CDC123: variants seen among roughly 807,000 people sequenced by gnomAD.
The protein encoded by CDC123 is translation initiation factor eIF2 assembly protein.
A neutral mutation model predicts 54.4 loss-of-function variants in CDC123; 37 were observed. The observed-to-expected ratio is 0.68, with a 90% CI of 0.52 to 0.89. The LOEUF (loss-of-function observed/expected upper bound fraction) is 0.89. CDC123 is among the 40% of genes least tolerant of loss of function. The pLI, the probability that CDC123 is intolerant of heterozygous loss-of-function variation, is 0.00. For synonymous variants in CDC123, 144 were observed against 136.8 expected (o/e 1.05, Z -0.37); for missense variants, 361 against 412.1 (o/e 0.88, Z 1.07).
At chr10:12,241,614 C>A (rs191935114) in intron 10 of CDC123, among the ~76,000 whole-genome samples, 1 of 152,074 alleles carries the variant, frequency 6.6e-6, no homozygotes, top group Admixed American at 6.6e-5. Context: ...GACTCTCATC[C>A]GGGTTGGTTG....
intron 6 of CDC123, among the ~76,000 whole-genome samples, chr10:12,230,662 C>T (rs571726558): frequency 6.6e-6 from 1 of 152,288 alleles, no homozygotes; most frequent in East Asian, 1.9e-4. Context: ...ACTGTAGTCA[C>T]CCTGTTGTGC....
At position 12,246,261 on chromosome 10, in the gene CDC123, T is replaced by C. The variant is rs1232133309; in HGVS notation, c.830T>C (p.Val277Ala). ...AACTTAAACGGCGATTTTAGTGAAG[T>C]TGACGCTCAAGAGCAGGTACAACAT... ...ENNLNGDFSE[V>A]DAQEQDSPAF... The change falls in exon 11 of 13, where the codon GTT becomes GCT. Residue 277 changes from valine (V) to alanine (A), a missense_variant. By Grantham distance (64) the Val-to-Ala change is moderately conservative (BLOSUM62 0). Transcript: ENST00000281141. 6.2e-7 allele frequency: 1 copy of C among 1,614,164 alleles called. No individual in the cohort carries two copies. The highest frequency in any genetic ancestry group is 1.7e-5 in the Admixed American group (1 of 60,018).
chr10:12,196,265 T>G lies in CDC123; in HGVS notation c.20T>G (p.Leu7Arg), dbSNP rs1835342675. 6.2e-7 allele frequency: 1 copy of G among 1,613,816 alleles called. No homozygotes were observed. Among genetic ancestry groups the G allele is most frequent in the African/African-American group, 1.3e-5 (1 of 74,896 alleles). The change falls in exon 1 of 13, where the codon CTT becomes CGT. Residue 7 changes from leucine to arginine, a missense_variant. By Grantham distance (102) the Leu-to-Arg change is moderately radical. Transcript: ENST00000281141. MKKEHV[L>R]HCQFSAWYPF... ...TGGAGGATGAAGAAGGAGCATGTGC[T>G]TCACTGCCAGTTCTCCGCGTGGTAC...
intron 2 of CDC123, among the ~76,000 whole-genome samples, chr10:12,200,943 AAAG>A: frequency 6.6e-6 from 1 of 151,792 alleles, no homozygotes; most frequent in African/African-American, 2.4e-5. Flanking sequence ...CAAAAAAAAA[AAAG>A]TACTGTTAAA....
At chr10:12,230,725 C>T (rs1167940374) in intron 6 of CDC123, among the ~76,000 whole-genome samples, 1 of 152,216 alleles carries the variant, frequency 6.6e-6, no homozygotes, top group African/African-American at 2.4e-5. Context: ...CAGTCTTGCT[C>T]ATAACATTGT....
chr10:12,210,119 TA>T, intron 3 of CDC123, 95 bp downstream of exon 3: 1 of 1,482,456 alleles, frequency 6.7e-7, no homozygotes, highest in African/African-American at 1.4e-5. Flanking sequence ...TTACATCTGA[TA>T]AAATGAGAAA....
At chr10:12,238,628 C>A in intron 10 of CDC123, 143 bp downstream of exon 10, 2 of 967,838 alleles carry the variant, frequency 2.1e-6, no homozygotes, top group Non-Finnish European at 3.0e-6. Flanking sequence ...GTATTCCCAG[C>A]ACTTTGGGAG....
intron 10 of CDC123, among the ~76,000 whole-genome samples, chr10:12,244,410 C>T (rs1413085746): frequency 2.6e-5 from 4 of 152,246 alleles, no homozygotes; most frequent in Non-Finnish European, 5.9e-5. Flanking sequence ...AATAGGTGTT[C>T]GTGATCGGAT....
chr10:12,215,877 T>G, intron 5 of CDC123, 42 bp downstream of exon 5: 2 of 1,326,904 alleles, frequency 1.5e-6, no homozygotes, highest in Non-Finnish European at 2.1e-6. Context: ...TGAATATTCT[T>G]TGTTTTGCTG....
At chr10:12,207,441 T>A (rs1835537722) in intron 2 of CDC123, among the ~76,000 whole-genome samples, 2 of 152,172 alleles carry the variant, frequency 1.3e-5, no homozygotes, top group Admixed American at 1.3e-4. Context: ...TTTTCTTCCA[T>A]GTCCCTTTTT....
chr10:12,228,628 C>T (rs981805959), intron 6 of CDC123, among the ~76,000 whole-genome samples: 2 of 152,142 alleles, frequency 1.3e-5, no homozygotes, highest in East Asian at 1.9e-4. Context: ...TGGAGTGCAA[C>T]GGCGCGATCT....
At chr10:12,203,429 T>C (rs1297234008) in intron 2 of CDC123, among the ~76,000 whole-genome samples, 3 of 152,228 alleles carry the variant, frequency 2.0e-5, no homozygotes, top group Non-Finnish European at 4.4e-5. Flanking sequence ...ATAGGCCAAG[T>C]ATGATGACTA....
chr10:12,248,688 C>G (rs1423698216), intron 11 of CDC123, among the ~76,000 whole-genome samples: 1 of 152,018 alleles, frequency 6.6e-6, no homozygotes, highest in Non-Finnish European at 1.5e-5. Flanking sequence ...TGCCTGTAAT[C>G]CCAGCCACTC....
intron 5 of CDC123, 98 bp from the exon 6 acceptor site, chr10:12,217,263 C>G: frequency 1.7e-6 from 2 of 1,172,978 alleles, no homozygotes; most frequent in Admixed American, 2.6e-5. Flanking sequence ...TTCCTTAAAC[C>G]CTTGAAGTGA....
intron 10 of CDC123, among the ~76,000 whole-genome samples, chr10:12,240,784 C>T (rs528064411): frequency 2.0e-5 from 3 of 152,196 alleles, no homozygotes; most frequent in South Asian, 2.1e-4. Context: ...TTGGGAGGAT[C>T]GCTTGAGACT....
rs1184789351 is a variant in CDC123, at chr10:12,237,118, C to T, written c.566-26C>T. 3 of 1,508,528 alleles carry T rather than the reference C, an allele frequency of 2.0e-6. No homozygotes were observed. In the Admixed American group the frequency reaches 7.4e-5, roughly 37 times the overall value. 93.4% of individuals were successfully genotyped at this position (1,508,528 alleles called of 1,614,324 possible). On this transcript the variant is annotated intron_variant, in intron 8 of 12. Transcript: ENST00000281141. ...TTTTGAAAAGAATATTGTATAATAACAGGATGTAAAATATTTTCTTGTCAG... is the reference window on the plus strand; with the variant it reads ...TTTTGAAAAGAATATTGTATAATAATAGGATGTAAAATATTTTCTTGTCAG...
At chr10:12,197,994 A>C (rs1474985899) in intron 1 of CDC123, among the ~76,000 whole-genome samples, 1 of 152,218 alleles carries the variant, frequency 6.6e-6, no homozygotes, top group Non-Finnish European at 1.5e-5. Flanking sequence ...TATATGCCTC[A>C]AAATCAAAAT....
At chr10:12,235,873 A>G (rs1285770710) in intron 8 of CDC123, among the ~76,000 whole-genome samples, 4 of 152,220 alleles carry the variant, frequency 2.6e-5, no homozygotes, top group Non-Finnish European at 5.9e-5. Flanking sequence ...CTGTTGGCAC[A>G]AGATTCAGGA....
intron 7 of CDC123, among the ~76,000 whole-genome samples, chr10:12,234,419 C>T (rs892830400): frequency 6.6e-6 from 1 of 152,220 alleles, no homozygotes; most frequent in African/African-American, 2.4e-5. Flanking sequence ...GGGGTTTTAC[C>T]ATGTTGGCCA....
Sources: gnomAD v4.1 joint callset for allele counts (sites outside exome capture counted in the v4.1 genomes callset) on GRCh38, gnomAD v4.1.1 for gene constraint, MANE v1.5 for transcripts, NCBI Gene and HGNC (gene_info 2026-07-23, HGNC 2026-07-21) for gene names.